DIP2A: variants seen among roughly 807,000 people sequenced by gnomAD.
The protein encoded by DIP2A is disco-interacting protein 2 homolog A.
DIP2A carries 85 observed loss-of-function variants against 177.4 expected under a neutral mutation model. The observed-to-expected ratio is 0.48, with a 90% CI of 0.40 to 0.57. The LOEUF (loss-of-function observed/expected upper bound fraction) is 0.57. Among genes scored for constraint, DIP2A ranks in the 20% least tolerant of loss-of-function variants. The pLI is 0.00. For missense variants in DIP2A, 1,791 were observed against 2,100.2 expected (o/e 0.85, Z 2.88); for synonymous variants, 886 against 881.8 (o/e 1.00, Z -0.08).
rs58546395 is a variant in DIP2A at position 46,464,844 on chromosome 21, T to TTTTTCC, written c.91+5622_91+5623insTTTTCC. On this transcript the variant is annotated intron_variant, in intron 1 of 37. Transcript: ENST00000417564. Reference sequence around the variant, plus strand: ...TTTTTTTTTTTTTTTTTTTTTTTTTTCAAGAAAACACACAACAAATGTCAG... The same window carrying TTTTTCC: ...TTTTTTTTTTTTTTTTTTTTTTTTTTTTTTCCCAAGAAAACACACAACAAATGTCAG... Among the ~76,000 whole-genome samples, 23 of 111,234 alleles carry TTTTTCC rather than the reference T, an allele frequency of 2.1e-4. 1 individual carries two copies. Among genetic ancestry groups the TTTTTCC allele is most frequent in the Non-Finnish European group, 3.1e-4 (18 of 57,320 alleles). The allele number at this position is 111,234 out of a possible 152,430, so 73.0% of individuals were successfully genotyped here.
At chr21:46,469,783 A>C (rs2055186078) in intron 1 of DIP2A, among the ~76,000 whole-genome samples, 4 of 152,144 alleles carry the variant, frequency 2.6e-5, no homozygotes, top group Admixed American at 2.6e-4. Flanking sequence ...TTCCCCTGGC[A>C]AACATCTACT....
Position 46,554,710 on chromosome 21 carries a change from G to T in DIP2A, c.3276+14G>T. The T allele has an allele frequency of 6.4e-7, 1 of 1,558,308 alleles. No homozygotes were observed. The highest frequency in any genetic ancestry group is 8.7e-7 in the Non-Finnish European group (1 of 1,152,096). Reference sequence around the variant, plus strand: ...ATGATCGTGGAGGTGCGCCTACCTGGCCCGCGGGTCAGAGTCTGTGAGTGG... The same window carrying T: ...ATGATCGTGGAGGTGCGCCTACCTGTCCCGCGGGTCAGAGTCTGTGAGTGG... On this transcript the variant is annotated intron_variant, in intron 27 of 37. Transcript: ENST00000417564.
intron 32 of DIP2A, among the ~76,000 whole-genome samples, 191 bp from the exon 33 acceptor site, chr21:46,560,531 T>C (rs1271509929): frequency 5.3e-5 from 8 of 152,210 alleles, no homozygotes; most frequent in Admixed American, 5.2e-4. Flanking sequence ...GCTCTGTGGA[T>C]GTTTGGATGG....
chr21:46,573,228 T>A (rs890038849), downstream of DIP2A, among the ~76,000 whole-genome samples: 1 of 152,116 alleles, frequency 6.6e-6, no homozygotes, highest in Non-Finnish European at 1.5e-5. Flanking sequence ...CTCTCCTTAT[T>A]GATAATTACT....
intron 3 of DIP2A, among the ~76,000 whole-genome samples, chr21:46,491,733 TCTC>T (rs965234142): frequency 1.6e-4 from 25 of 152,070 alleles, no homozygotes; most frequent in Admixed American, 1.2e-3. Context: ...CTAGAAAAGG[TCTC>T]CTCCTTTCTG....
Position 46,511,601 on chromosome 21 carries a change from C to T in DIP2A, c.1089C>T (p.Tyr363=). Residue 363 remains tyrosine, a synonymous_variant, in exon 8 of 38, where the codon TAC becomes TAT. Transcript: ENST00000417564. The part of the protein sequence containing the change: ...TALDTTGKAV[Y]TLTYGKLWSR... ...TGGATACAACTGGGAAAGCCGTCTA[C>T]ACTCTCACCTATGGCAAGTGTTAAC... 1.3e-6 allele frequency: 2 copies of T among 1,544,270 alleles called. No homozygotes were observed. Among genetic ancestry groups the T allele is most frequent in the Non-Finnish European group, 1.7e-6 (2 of 1,149,336 alleles).
chr21:46,497,224 G>A (rs74432771), intron 4 of DIP2A, 117 bp downstream of exon 4: 67,331 of 1,245,504 alleles, frequency 0.054, 2,125 homozygotes, highest in Non-Finnish European at 0.06. Flanking sequence ...TAGATTGGAC[G>A]CATTTGGAGA....
At chr21:46,540,989 T>A (rs1276034625) in intron 17 of DIP2A, among the ~76,000 whole-genome samples, 1 of 141,924 alleles carries the variant, frequency 7.0e-6, no homozygotes, top group Non-Finnish European at 1.5e-5. Flanking sequence ...CACTCCAGCC[T>A]GGGCAACAAG....
In DIP2A at chr21:46,556,754, C is replaced by A; in HGVS notation, c.3499-185C>A. 3.6e-6 allele frequency: 2 copies of A among 549,292 alleles called. No homozygotes were observed. Among genetic ancestry groups the A allele is most frequent in the South Asian group, 3.2e-5 (1 of 31,164 alleles). The allele number at this position is 549,292 out of a possible 1,614,324, so 34.0% of individuals were successfully genotyped here. A position where few individuals can be genotyped will look rare whatever the true frequency, so the allele number is the denominator to read the frequency against. On this transcript the variant is annotated intron_variant, in intron 29 of 37. Coordinates refer to ENST00000417564, the MANE Select transcript of DIP2A (RefSeq NM_015151.4). The surrounding 1 kb of genome is among the most constrained non-coding windows in gnomAD (Gnocchi z 4.5). ...TTTTGTTTCAAAGATTTTTAGTGTA[C>A]CATTTCTTGGGTATTATTTAGGTTA...
chr21:46,528,216 A>G (rs998939561), intron 8 of DIP2A, among the ~76,000 whole-genome samples: 4 of 152,086 alleles, frequency 2.6e-5, no homozygotes, highest in Non-Finnish European at 4.4e-5. Context: ...GATGGCTGGT[A>G]TTTTAACATC....
Position 46,537,177 on chromosome 21 carries a change from T to C in DIP2A, c.1643-47T>C. Reference sequence around the variant, plus strand: ...ATTTCTCTAGAAAATGCATAGGGCTTATTGAGAGGGTTGCTCAGTGGTGTC... The same window carrying C: ...ATTTCTCTAGAAAATGCATAGGGCTCATTGAGAGGGTTGCTCAGTGGTGTC... On this transcript the variant is annotated intron_variant, in intron 13 of 37. Coordinates refer to ENST00000417564, the MANE Select transcript of DIP2A (RefSeq NM_015151.4). This position sits in a 1 kb window ranked among gnomAD's most constrained non-coding sequence, Gnocchi z 4.1. 6.2e-7 allele frequency: 1 copy of C among 1,600,068 alleles called. No homozygotes were observed. Among genetic ancestry groups the C allele is most frequent in the African/African-American group, 1.3e-5 (1 of 74,758 alleles).
intron 25 of DIP2A, 35 bp downstream of exon 25, chr21:46,551,939 A>G: frequency 6.4e-7 from 1 of 1,561,106 alleles, no homozygotes; most frequent in Non-Finnish European, 8.7e-7. Context: ...GCTTGGAAAC[A>G]CCTGTGGGCC....
At chr21:46,460,689 C>T (rs1332665065) in intron 1 of DIP2A, among the ~76,000 whole-genome samples, 1 of 152,002 alleles carries the variant, frequency 6.6e-6, no homozygotes, top group Non-Finnish European at 1.5e-5. Context: ...AATGTTGTGA[C>T]ATGTGGCACA....
In DIP2A at chr21:46,554,580, G is replaced by C. The variant is rs1417951345; in HGVS notation, c.3160G>C (p.Asp1054His). Residue 1054 changes from aspartate (D) to histidine (H), a missense_variant, in exon 27 of 38, where the codon GAC (aspartate) becomes CAC (histidine). Asp to His is a moderately conservative substitution (Grantham distance 81). Coordinates refer to ENST00000417564, the MANE Select transcript of DIP2A (RefSeq NM_015151.4). The part of the protein sequence containing the change: ...HVALVYPPGV[D>H]LIAAFYGCLY... ...GCCAGTCCTTGTCTCCACAGGGGTG[G>C]ACCTCATTGCCGCGTTCTATGGCTG... 1 of 1,611,784 alleles carries C rather than the reference G, an allele frequency of 6.2e-7. No individual in the cohort carries two copies. Among genetic ancestry groups the C allele is most frequent in the Non-Finnish European group, 8.5e-7 (1 of 1,179,116 alleles).
intron 2 of DIP2A, among the ~76,000 whole-genome samples, chr21:46,489,072 T>C (rs1015166789): frequency 6.8e-6 from 1 of 147,976 alleles, no homozygotes; most frequent in East Asian, 1.9e-4. Flanking sequence ...TACATATATA[T>C]ACACACACAG....
rs778926221 is a variant in DIP2A, at chr21:46,498,183, C to G, written c.404-399C>G. 6.6e-6 allele frequency among the ~76,000 whole-genome samples: 1 copy of G among 152,154 alleles called. No homozygotes were observed. Among genetic ancestry groups the G allele is most frequent in the Non-Finnish European group, 1.5e-5 (1 of 68,034 alleles). Reference sequence around the variant, plus strand: ...CAAGATGTAGGGCCGGGCACAGGCTCTCCCCTGGGTGATGCTGACTGATGT... The same window carrying G: ...CAAGATGTAGGGCCGGGCACAGGCTGTCCCCTGGGTGATGCTGACTGATGT... On this transcript the variant is annotated intron_variant, in intron 4 of 37. Coordinates refer to ENST00000417564, the MANE Select transcript of DIP2A (RefSeq NM_015151.4). This position sits in a 1 kb window ranked among gnomAD's most constrained non-coding sequence, Gnocchi z 4.3.
intron 1 of DIP2A, among the ~76,000 whole-genome samples, chr21:46,482,953 A>T (rs1428180657): frequency 6.6e-6 from 1 of 152,232 alleles, no homozygotes; most frequent in Non-Finnish European, 1.5e-5. Flanking sequence ...TAATAAGTGA[A>T]ATTGTACAGT....
chr21:46,518,923 C>T (rs902391269), intron 8 of DIP2A, among the ~76,000 whole-genome samples: 2 of 152,222 alleles, frequency 1.3e-5, no homozygotes, highest in African/African-American at 4.8e-5. Flanking sequence ...AGAATGGCTA[C>T]TCCATAGGCA....
intron 28 of DIP2A, among the ~76,000 whole-genome samples, chr21:46,555,254 C>T (rs1264659102): frequency 6.6e-6 from 1 of 152,248 alleles, no homozygotes; most frequent in Non-Finnish European, 1.5e-5. Flanking sequence ...GAGGACACAG[C>T]TCCCACCGCA....
Sources: allele counts gnomAD v4.1 joint callset (sites outside exome capture counted in the v4.1 genomes callset), GRCh38; gene constraint gnomAD v4.1.1; non-coding constraint Gnocchi (gnomAD v3.1); transcripts MANE v1.5; gene names NCBI Gene and HGNC (gene_info 2026-07-23, HGNC 2026-07-21).